The following DIS3L variants were observed in gnomAD, a reference collection of about 807,000 sequenced individuals.
The protein encoded by DIS3L is DIS3-like exonuclease 1.
Under a neutral mutation model 120.3 loss-of-function variants are expected in DIS3L, and 100 were observed. The observed-to-expected ratio is 0.83, with a 90% CI of 0.71 to 0.98. The LOEUF is 0.98. DIS3L is among the 50% of genes least tolerant of loss of function. The probability of loss-of-function intolerance (pLI) is 0.00; values close to 1 mark genes in which losing one functional copy is unlikely to be tolerated. For missense variants in DIS3L, 1,196 were observed against 1,314.2 expected, an observed-to-expected ratio of 0.91 and a Z score of 1.39; for synonymous variants, 426 against 470.6, an observed-to-expected ratio of 0.91 and a Z score of 1.23.
At position 66,308,783 on chromosome 15, in the gene DIS3L, A is replaced by T. The variant is rs1348966040; in HGVS notation, c.497A>T (p.Asp166Val). The change falls in exon 4 of 17, where the codon GAT (aspartate) becomes GTT (valine). Residue 166 changes from aspartate (D) to valine (V), a missense_variant. Asp to Val is a radical substitution (Grantham distance 152). Transcript: ENST00000319212. ...ATGCCAATTGTTATGGTGACAGAAG[A>T]TGAAGAGGCAATTCAGCAGTATGGA... Reference protein sequence around the residue: ...DRMPIVMVTEDEEAIQQYGSE... With the variant: ...DRMPIVMVTEVEEAIQQYGSE... 1.9e-6 allele frequency: 3 copies of T among 1,613,646 alleles called. No homozygotes were observed. Among genetic ancestry groups the T allele is most frequent in the Admixed American group, 3.3e-5 (2 of 59,956 alleles).
At position 66,333,397 on chromosome 15, in the gene DIS3L, C is replaced by A; in HGVS notation, c.*85C>A. On this transcript the variant is annotated 3_prime_UTR_variant, in exon 17 of 17. Coordinates refer to ENST00000319212, the MANE Select transcript of DIS3L (RefSeq NM_001143688.3). Reference sequence around the variant, plus strand: ...AACATTTAATGTGTGTCACTCAGTGCTCTAGTCGATCAGGACTGGGTAGCT... The same window carrying A: ...AACATTTAATGTGTGTCACTCAGTGATCTAGTCGATCAGGACTGGGTAGCT... 3 of 1,383,134 alleles carry A rather than the reference C, an allele frequency of 2.2e-6. No individual in the cohort carries two copies. Among genetic ancestry groups the A allele is most frequent in the Non-Finnish European group, 3.0e-6 (3 of 1,016,648 alleles). The allele number at this position is 1,383,134 out of a possible 1,614,324, so 85.7% of individuals were successfully genotyped here.
intron 7 of DIS3L, 63 bp from the exon 8 acceptor site, chr15:66,318,386 G>A: frequency 6.5e-7 from 1 of 1,549,836 alleles, no homozygotes; most frequent in Non-Finnish European, 8.8e-7. Flanking sequence ...GCTTGAGGTG[G>A]TCAGAGTCCA....
chr15:66,327,374 C>A (rs1206620197), intron 12 of DIS3L, among the ~76,000 whole-genome samples: 1 of 152,200 alleles, frequency 6.6e-6, no homozygotes, highest in Non-Finnish European at 1.5e-5. Context: ...TCATAAGATA[C>A]TACACCAACA....
chr15:66,297,929 C>T (rs888540946), intron 2 of DIS3L, among the ~76,000 whole-genome samples: 1 of 152,072 alleles, frequency 6.6e-6, no homozygotes, highest in Admixed American at 6.6e-5. Context: ...CCCATAATCT[C>T]AGCACTTTGG....
Position 66,320,698 on chromosome 15 carries a change from A to T in DIS3L, c.1292A>T (p.Asn431Ile). 2.5e-6 allele frequency: 4 copies of T among 1,614,054 alleles called. No individual in the cohort carries two copies. Among genetic ancestry groups the T allele is most frequent in the Non-Finnish European group, 3.4e-6 (4 of 1,179,988 alleles). ...EGEIATILVE[N>I]SISVIPFSEA... ...GAAATTGCAACCATCCTGGTGGAAA[A>T]CAGTATTTCAGTTATTCCTTTCTCA... Residue 431 changes from asparagine (N) to isoleucine (I), a missense_variant, in exon 9 of 17, where the codon AAC becomes ATC. Asn to Ile is a moderately radical substitution (Grantham distance 149). Coordinates refer to ENST00000319212, the MANE Select transcript of DIS3L (RefSeq NM_001143688.3).
At chr15:66,323,017 A>G (rs2092901756) in intron 10 of DIS3L, 83 bp downstream of exon 10, 7 of 1,529,574 alleles carry the variant, frequency 4.6e-6, no homozygotes, top group Non-Finnish European at 6.2e-6. Context: ...GTGTTCAAAG[A>G]TCTCATGTTT....
chr15:66,294,461 G>C (rs2092563371), intron 1 of DIS3L: 1 of 986,126 alleles, frequency 1.0e-6, no homozygotes, highest in Non-Finnish European at 1.2e-6. Context: ...GAACATTTCA[G>C]TTAGAGCTTG....
chr15:66,312,770 C>T (rs1316899510), intron 5 of DIS3L, among the ~76,000 whole-genome samples: 1 of 152,108 alleles, frequency 6.6e-6, no homozygotes, highest in Non-Finnish European at 1.5e-5. Flanking sequence ...GTGTGTCCAC[C>T]ACCACAATCA....
chr15:66,315,339 C>G, intron 7 of DIS3L, 124 bp downstream of exon 7: 1 of 956,362 alleles, frequency 1.0e-6, no homozygotes, highest in South Asian at 2.4e-5. Flanking sequence ...TTGACAAAAA[C>G]TGTATTTATT....
intron 2 of DIS3L, among the ~76,000 whole-genome samples, chr15:66,297,225 G>T (rs942820820): frequency 2.0e-5 from 3 of 152,208 alleles, no homozygotes; most frequent in African/African-American, 7.2e-5. Context: ...AGATCTGAGA[G>T]ATGTGCTTGA....
rs1214606479 is a variant in DIS3L at position 66,332,880 on chromosome 15, T to C, written c.2826T>C (p.Ser942=). ...KITSTTTDGE[S]VTFHLFDHVT... is the part of the protein sequence containing the mutation. ...CCTCTACTACAACAGATGGGGAATC[T>C]GTTACGTTCCATTTGTTTGACCATG... Residue 942 remains serine (S), a synonymous_variant, in exon 16 of 17, where the codon TCT becomes TCC. Coordinates refer to ENST00000319212, the MANE Select transcript of DIS3L (RefSeq NM_001143688.3). 1 of 1,612,612 alleles carries C rather than the reference T, an allele frequency of 6.2e-7. No homozygotes were observed. Among genetic ancestry groups the C allele is most frequent in the Non-Finnish European group, 8.5e-7 (1 of 1,179,456 alleles).
At chr15:66,311,620 A>G in intron 4 of DIS3L, 104 bp from the exon 5 acceptor site, 1 of 1,387,040 alleles carries the variant, frequency 7.2e-7, no homozygotes, top group Non-Finnish European at 1.0e-6. Context: ...GCACCCCCTC[A>G]AGATGGCAGG....
intron 1 of DIS3L, chr15:66,294,058 C>G: frequency 1.0e-6 from 1 of 986,662 alleles, no homozygotes; most frequent in East Asian, 1.1e-4. Context: ...CCGAGGCCTC[C>G]TCCCGCCGCA....
chr15:66,333,892 CT>C lies in DIS3L; in HGVS notation c.*581del, dbSNP rs1290531451. 3.3e-5 allele frequency: 5 copies of C among 152,120 alleles called. No individual in the cohort carries two copies. Among genetic ancestry groups the C allele is most frequent in the Non-Finnish European group, 1.5e-5 (1 of 68,042 alleles). 9.4% of individuals were successfully genotyped at this position (152,120 alleles called of 1,614,324 possible). A position where few individuals can be genotyped will look rare whatever the true frequency, so the allele number is the denominator to read the frequency against. On this transcript the variant is annotated 3_prime_UTR_variant, in exon 17 of 17. Coordinates refer to ENST00000319212, the MANE Select transcript of DIS3L (RefSeq NM_001143688.3). ...AATAAGTTTAATAAACCCGAAATTACTGGTTATCTCGTCTCCAATCAGTTCT... is the reference window on the plus strand; with the variant it reads ...AATAAGTTTAATAAACCCGAAATTACGGTTATCTCGTCTCCAATCAGTTCT...
intron 14 of DIS3L, chr15:66,331,298 G>T (rs1255148431): frequency 1.3e-5 from 2 of 152,392 alleles, no homozygotes; most frequent in Non-Finnish European, 2.9e-5. Flanking sequence ...GCTCATGCCT[G>T]TAATCCCAGC....
intron 2 of DIS3L, among the ~76,000 whole-genome samples, chr15:66,302,072 A>G (rs960151006): frequency 2.6e-5 from 4 of 152,232 alleles, no homozygotes; most frequent in African/African-American, 7.2e-5. Flanking sequence ...TGCAGAGAAC[A>G]GAATTCAAGA....
chr15:66,315,350 G>A (rs2092806946), intron 7 of DIS3L, 135 bp downstream of exon 7: 2 of 864,346 alleles, frequency 2.3e-6, no homozygotes, highest in Non-Finnish European at 3.3e-6. Context: ...TGTATTTATT[G>A]TGTATAATAT....
chr15:66,300,618 A>G (rs1195941125), intron 2 of DIS3L, among the ~76,000 whole-genome samples: 2 of 152,190 alleles, frequency 1.3e-5, no homozygotes, highest in African/African-American at 2.4e-5. Context: ...TTTAGGTACA[A>G]TAAAGCTGCT....
rs1030612811 is a variant in DIS3L, at chr15:66,311,803, G to C, written c.638G>C (p.Arg213Thr). The change falls in exon 5 of 17, where the codon AGA becomes ACA. Residue 213 changes from arginine (R) to threonine (T), a missense_variant. Coordinates refer to ENST00000319212, the MANE Select transcript of DIS3L (RefSeq NM_001143688.3). The stretch of plus-strand genomic sequence containing the variant: ...TCTATCCTTCAGTCTCGACGGGAGA[G>C]AGAGAATGAGAGTCAGGAGAGCCAT... ...CDSILQSRRE[R>T]ENESQESHGK... The C allele has an allele frequency of 3.1e-6, 5 of 1,614,178 alleles. No homozygotes were observed. The highest frequency in any genetic ancestry group is 4.2e-6 in the Non-Finnish European group (5 of 1,180,020).
Sources: allele counts gnomAD v4.1 joint callset (sites outside exome capture counted in the v4.1 genomes callset), GRCh38; gene constraint gnomAD v4.1.1; transcripts MANE v1.5; gene names NCBI Gene and HGNC (gene_info 2026-07-23, HGNC 2026-07-21).